Variants in ITPR2 observed in about 807,000 individuals in gnomAD.
The protein encoded by ITPR2 is inositol 1,4,5-trisphosphate-gated calcium channel ITPR2.
A neutral mutation model predicts 317.1 loss-of-function variants in ITPR2; 207 were observed. The ratio of observed to expected loss-of-function variants is 0.65; its 90% CI spans 0.58 to 0.73. ITPR2 has a LOEUF of 0.73. Among genes scored for constraint, ITPR2 ranks in the 30% least tolerant of loss-of-function variants. The pLI is 0.00. For synonymous variants in ITPR2, 1,156 were observed against 1,149.1 expected, an observed-to-expected ratio of 1.01 and a Z score of -0.12; for missense variants, 2,613 against 3,284.0, an observed-to-expected ratio of 0.80 and a Z score of 4.99.
At chr12:26,423,695 T>C (rs1306917025) in intron 49 of ITPR2, among the ~76,000 whole-genome samples, 1 of 152,158 alleles carries the variant, frequency 6.6e-6, no homozygotes, top group Non-Finnish European at 1.5e-5. Flanking sequence ...ATTTATAAAA[T>C]ATGTGCTTAT....
rs1951106509 is a variant in ITPR2 at position 26,831,719 on chromosome 12, T to TA, written c.92+970_92+971insT. ...TCTACATAAAATATATAAATATATATTCTACATAAAATATATAAATATATA... is the reference window on the plus strand; with the variant it reads ...TCTACATAAAATATATAAATATATATATCTACATAAAATATATAAATATATA... On this transcript the variant is annotated intron_variant, in intron 1 of 56. Transcript: ENST00000381340. This position sits in a 1 kb window ranked among gnomAD's most constrained non-coding sequence, Gnocchi z 4.9. Among the ~76,000 whole-genome samples the TA allele has an allele frequency of 8.1e-6, 1 of 123,148 alleles. No homozygotes were observed. The highest frequency in any genetic ancestry group is 8.7e-5 in the Admixed American group (1 of 11,542). The allele number at this position is 123,148 out of a possible 152,430, so 80.8% of individuals were successfully genotyped here.
intron 2 of ITPR2, among the ~76,000 whole-genome samples, chr12:26,744,693 A>G (rs917004620): frequency 2.6e-5 from 4 of 152,262 alleles, no homozygotes; most frequent in African/African-American, 7.2e-5. Flanking sequence ...TTGAATTTTT[A>G]TCACAAATGT....
rs141672693 is a variant in ITPR2 at position 26,633,630 on chromosome 12, T to C, written c.2741-1571A>G. ...ATAGCCTTGAGGCAGAATGCTTCAT[T>C]GTCTGTGGTTCTCAAACAATCATAG... On this transcript the variant is annotated intron_variant, in intron 21 of 56. Transcript: ENST00000381340. Among the ~76,000 whole-genome samples, 1,055 of 152,360 alleles carry C rather than the reference T, an allele frequency of 6.9e-3. 11 individuals carry two copies. The highest frequency in any genetic ancestry group is 0.023 in the African/African-American group (967 of 41,584).
intron 49 of ITPR2, among the ~76,000 whole-genome samples, chr12:26,422,667 CT>C (rs1288080696): frequency 1.3e-5 from 2 of 152,096 alleles, no homozygotes; most frequent in Admixed American, 1.3e-4. Flanking sequence ...TTTATAGCTG[CT>C]TTATCTTTGT....
rs771112159 is a variant in ITPR2, at chr12:26,481,087, T to C, written c.6123+44A>G. The C allele has an allele frequency of 6.3e-6, 7 of 1,116,540 alleles. No individual in the cohort carries two copies. The African/African-American group carries it at 1.1e-4, about 17-fold the overall frequency. 69.2% of individuals were successfully genotyped at this position (1,116,540 alleles called of 1,614,324 possible). A position where few individuals can be genotyped will look rare whatever the true frequency, so the allele number is the denominator to read the frequency against. On this transcript the variant is annotated intron_variant, in intron 43 of 56. Coordinates refer to ENST00000381340, the MANE Select transcript of ITPR2 (RefSeq NM_002223.4). ...CAAGAGCTGCTTGAAGATTGTACTATAGAGACTGTAGCTTTTCTGGCCTGA... is the reference window on the plus strand; with the variant it reads ...CAAGAGCTGCTTGAAGATTGTACTACAGAGACTGTAGCTTTTCTGGCCTGA...
intron 32 of ITPR2, among the ~76,000 whole-genome samples, chr12:26,587,464 A>T (rs1945559991): frequency 6.6e-6 from 1 of 152,162 alleles, no homozygotes. Flanking sequence ...TTATGCAGAT[A>T]CAGGGAAGTC....
chr12:26,461,195 T>C (rs1942010937), intron 45 of ITPR2, among the ~76,000 whole-genome samples: 1 of 152,166 alleles, frequency 6.6e-6, no homozygotes, highest in African/African-American at 2.4e-5. Context: ...GTGTGTTAGT[T>C]ACACTCACAT....
At chr12:26,591,417 C>T (rs1470337375) in intron 32 of ITPR2, among the ~76,000 whole-genome samples, 4 of 152,022 alleles carry the variant, frequency 2.6e-5, no homozygotes, top group African/African-American at 9.7e-5. Flanking sequence ...TGGCTTTTAT[C>T]CAAAAGACAG....
In ITPR2 at chr12:26,495,339, A is replaced by G; in HGVS notation, c.5074-79T>C. On this transcript the variant is annotated intron_variant, in intron 37 of 56. Transcript: ENST00000381340. Reference sequence around the variant, plus strand: ...AATGTCAGTATGTTAAATGCTTTAAATGCATTTTGTGAATGATGTTGAGGC... The same window carrying G: ...AATGTCAGTATGTTAAATGCTTTAAGTGCATTTTGTGAATGATGTTGAGGC... The G allele has an allele frequency of 3.9e-6, 3 of 760,964 alleles. No individual in the cohort carries two copies. In the South Asian group the frequency reaches 5.6e-5, roughly 14 times the overall value. The allele number at this position is 760,964 out of a possible 1,614,324, so 47.1% of individuals were successfully genotyped here. A position where few individuals can be genotyped will look rare whatever the true frequency, so the allele number is the denominator to read the frequency against.
At chr12:26,684,964 A>C (rs979641212) in intron 11 of ITPR2, among the ~76,000 whole-genome samples, 1 of 152,122 alleles carries the variant, frequency 6.6e-6, no homozygotes, top group South Asian at 2.1e-4. Flanking sequence ...AGATGGACTC[A>C]TATAAGGTAT....
At chr12:26,369,426 T>C (rs1939115462) in intron 55 of ITPR2, among the ~76,000 whole-genome samples, 1 of 152,136 alleles carries the variant, frequency 6.6e-6, no homozygotes, top group South Asian at 2.1e-4. Context: ...TTTTAGAAAG[T>C]AGTGGATTAA....
rs1304827838 is a variant in ITPR2, at chr12:26,576,107, T to G, written c.4630+2606A>C. ...TATTCCTATGTAAAAATTAACACCA[T>G]CATATTTCTTTGCTTTTCCTTTGAT... On this transcript the variant is annotated intron_variant, in intron 34 of 56. Transcript: ENST00000381340. Among the ~76,000 whole-genome samples the G allele has an allele frequency of 2.6e-5, 4 of 152,338 alleles. No individual in the cohort carries two copies. The East Asian group carries it at 7.7e-4, about 29-fold the overall frequency.
chr12:26,792,789 T>C (rs991042409), intron 1 of ITPR2, among the ~76,000 whole-genome samples: 1 of 152,200 alleles, frequency 6.6e-6, no homozygotes, highest in Non-Finnish European at 1.5e-5. Flanking sequence ...TCTGGGACTA[T>C]ATAGACTAAG....
chr12:26,784,676 T>C (rs1950178997), intron 2 of ITPR2, among the ~76,000 whole-genome samples: 1 of 150,712 alleles, frequency 6.6e-6, no homozygotes, highest in Non-Finnish European at 1.5e-5. Flanking sequence ...TGCAGTGGCG[T>C]GATCTCGGCT....
At chr12:26,772,452 ATATATATAATACATGTAT>A (rs1949869147) in intron 2 of ITPR2, among the ~76,000 whole-genome samples, 5 of 65,094 alleles carry the variant, frequency 7.7e-5, no homozygotes, top group Admixed American at 7.5e-4. Context: ...TATATATATT[ATATATATAATACATGTAT>A]TATATATAAT....
At chr12:26,542,008 T>A (rs558621350) in intron 37 of ITPR2, among the ~76,000 whole-genome samples, 8 of 152,354 alleles carry the variant, frequency 5.3e-5, no homozygotes, top group African/African-American at 1.9e-4. Flanking sequence ...CACTATTCAA[T>A]GTCTAAATAT....
chr12:26,487,420 A>C (rs1429313241), intron 39 of ITPR2, among the ~76,000 whole-genome samples, 169 bp from the exon 40 acceptor site: 1 of 152,222 alleles, frequency 6.6e-6, no homozygotes, highest in Non-Finnish European at 1.5e-5. Context: ...TTTAATGTGT[A>C]CTAATAATAG....
intron 55 of ITPR2, among the ~76,000 whole-genome samples, chr12:26,347,232 T>C: frequency 6.6e-6 from 1 of 152,212 alleles, no homozygotes; most frequent in Middle Eastern, 3.2e-3. Context: ...TTTTTCTCCA[T>C]AACAGAATGA....
chr12:26,796,941 G>C (rs1950456270), intron 1 of ITPR2, among the ~76,000 whole-genome samples: 1 of 152,152 alleles, frequency 6.6e-6, no homozygotes. Context: ...GGAGGCTGAG[G>C]CAGGGGAATT....
Sources: gnomAD v4.1 joint callset for allele counts (sites outside exome capture counted in the v4.1 genomes callset) on GRCh38, gnomAD v4.1.1 for gene constraint, Gnocchi (gnomAD v3.1) non-coding constraint, MANE v1.5 for transcripts, NCBI Gene and HGNC (gene_info 2026-07-23, HGNC 2026-07-21) for gene names.